NDST4: variants seen among roughly 807,000 people sequenced by gnomAD.
The protein encoded by NDST4 is N-heparan sulfate sulfotransferase 4.
In NDST4, 63 loss-of-function variants were observed where a neutral mutation model predicts 100.8. That is an observed-to-expected ratio of 0.62 (90% CI 0.51 to 0.77). NDST4 has a LOEUF of 0.77. Among genes scored for constraint, NDST4 ranks in the 30% least tolerant of loss-of-function variants. NDST4 has a pLI of 0.00. For synonymous variants in NDST4, 377 were observed against 361.8 expected (o/e 1.04, Z -0.48); for missense variants, 943 against 1,018.4 (o/e 0.93, Z 1.01).
At chr4:114,889,677 A>G (rs1724552151) in intron 6 of NDST4, among the ~76,000 whole-genome samples, 1 of 152,298 alleles carries the variant, frequency 6.6e-6, no homozygotes, top group African/African-American at 2.4e-5. Flanking sequence ...CAGAAACATT[A>G]TGGGCTGTCT....
At chr4:114,856,040 G>C (rs1361674895) in intron 7 of NDST4, among the ~76,000 whole-genome samples, 1 of 151,528 alleles carries the variant, frequency 6.6e-6, no homozygotes, top group Non-Finnish European at 1.5e-5. Flanking sequence ...AGAGAGTTGA[G>C]ATAAGCCCCT....
At chr4:114,957,346 G>C (rs1726162630) in intron 4 of NDST4, among the ~76,000 whole-genome samples, 1 of 152,190 alleles carries the variant, frequency 6.6e-6, no homozygotes, top group Admixed American at 6.5e-5. Context: ...AAGAGAGATT[G>C]TGTAGGGGAT....
intron 1 of NDST4, among the ~76,000 whole-genome samples, chr4:115,098,530 A>G (rs1377959101): frequency 6.6e-6 from 1 of 152,134 alleles, no homozygotes; most frequent in East Asian, 1.9e-4. Flanking sequence ...CCAATTCAAT[A>G]TTAAAGGAGA....
rs191848779 is a variant in NDST4, at chr4:114,961,305, C to T, written c.1221+9125G>A. ...TTCTCCGTAAAACATTGAAAAAAAG[C>T]GTATTAAATATAAAGCAATTAGAAG... is the stretch of plus-strand genomic sequence containing the variant. On this transcript the variant is annotated intron_variant, in intron 4 of 13. Coordinates refer to ENST00000264363, the MANE Select transcript of NDST4 (RefSeq NM_022569.3). Among the ~76,000 whole-genome samples, 17 of 149,660 alleles carry T rather than the reference C, an allele frequency of 1.1e-4. 1 individual carries two copies. The highest frequency in any genetic ancestry group is 4.6e-4 in the Admixed American group (7 of 15,078).
chr4:114,867,851 T>C (rs994020873), intron 7 of NDST4, among the ~76,000 whole-genome samples: 6 of 152,080 alleles, frequency 3.9e-5, no homozygotes, highest in African/African-American at 1.2e-4. Context: ...GTGTCCTCAG[T>C]ACACATTCCC....
At chr4:115,074,086 A>C (rs2126288761) in intron 2 of NDST4, among the ~76,000 whole-genome samples, 1 of 152,110 alleles carries the variant, frequency 6.6e-6, no homozygotes, top group South Asian at 2.1e-4. Context: ...AATTCTATCC[A>C]TATGAACACA....
intron 1 of NDST4, among the ~76,000 whole-genome samples, chr4:115,112,389 C>T (rs1319090145): frequency 2.0e-5 from 3 of 151,780 alleles, no homozygotes; most frequent in African/African-American, 7.2e-5. Context: ...TACAGAAACA[C>T]ATCAGTATCT....
chr4:114,984,867 G>C (rs1279936956), intron 2 of NDST4, among the ~76,000 whole-genome samples: 1 of 152,130 alleles, frequency 6.6e-6, no homozygotes, highest in Non-Finnish European at 1.5e-5. Context: ...GCTGACCCAG[G>C]ATGAAAATAT....
In NDST4 at chr4:114,963,728, A is replaced by G. The variant is rs139432410; in HGVS notation, c.1221+6702T>C. ...GGATTAGATGAGAGAAAGAAAGGTA[A>G]TAGATGAATTCAATATTTATGGCTT... On this transcript the variant is annotated intron_variant, in intron 4 of 13. Coordinates refer to ENST00000264363, the MANE Select transcript of NDST4 (RefSeq NM_022569.3). Among the ~76,000 whole-genome samples the G allele has an allele frequency of 2.1e-3, 313 of 152,336 alleles. 1 individual carries two copies. Among genetic ancestry groups the G allele is most frequent in the African/African-American group, 7.4e-3 (309 of 41,580 alleles).
chr4:114,931,353 G>C (rs757712054), intron 6 of NDST4, among the ~76,000 whole-genome samples: 1 of 151,522 alleles, frequency 6.6e-6, no homozygotes, highest in African/African-American at 2.4e-5. Flanking sequence ...TGAAGAAGTT[G>C]TGAAATAGCT....
At chr4:114,975,736 G>T in intron 3 of NDST4, among the ~76,000 whole-genome samples, 1 of 152,044 alleles carries the variant, frequency 6.6e-6, no homozygotes, top group East Asian at 1.9e-4. Context: ...AGACAAAATA[G>T]TATTGTTTGT....
rs572647919 is a variant in NDST4, at chr4:114,921,259, C to T, written c.1536+13947G>A. Among the ~76,000 whole-genome samples the T allele has an allele frequency of 5.9e-5, 9 of 152,212 alleles. No homozygotes were observed. In the East Asian group the frequency reaches 1.3e-3, roughly 23 times the overall value. On this transcript the variant is annotated intron_variant, in intron 6 of 13. Transcript: ENST00000264363. ...AAGCAAGTATTGCGTTCGATGACTC[C>T]ATTCGTTTCACTGGAATAAAAAATA...
chr4:115,063,599 G>C (rs1728869249), intron 2 of NDST4, among the ~76,000 whole-genome samples: 1 of 151,318 alleles, frequency 6.6e-6, no homozygotes, highest in Admixed American at 6.6e-5. Flanking sequence ...TATCATAATA[G>C]GAACACAGTG....
At chr4:114,981,650 A>G (rs1726776315) in intron 2 of NDST4, among the ~76,000 whole-genome samples, 2 of 152,192 alleles carry the variant, frequency 1.3e-5, no homozygotes, top group Non-Finnish European at 2.9e-5. Flanking sequence ...CAACCTGGAG[A>G]TCATCACCAT....
chr4:115,027,458 G>A (rs1267547324), intron 2 of NDST4, among the ~76,000 whole-genome samples: 1 of 152,076 alleles, frequency 6.6e-6, no homozygotes, highest in African/African-American at 2.4e-5. Flanking sequence ...TATATTTGAG[G>A]TGATAAAGAC....
At chr4:114,905,200 C>G (rs1724923650) in intron 6 of NDST4, among the ~76,000 whole-genome samples, 1 of 150,404 alleles carries the variant, frequency 6.6e-6, no homozygotes, top group African/African-American at 2.4e-5. Flanking sequence ...AGTTAATATA[C>G]TGCCCTATAA....
chr4:114,909,255 A>ATAG (rs1395590372), intron 6 of NDST4, among the ~76,000 whole-genome samples: 2 of 152,234 alleles, frequency 1.3e-5, no homozygotes, highest in African/African-American at 2.4e-5. Flanking sequence ...GACGATGATG[A>ATAG]TAGATAAAGC....
At chr4:114,935,400 T>C in intron 5 of NDST4, 66 bp from the exon 6 acceptor site, 3 of 1,396,380 alleles carry the variant, frequency 2.1e-6, no homozygotes, top group South Asian at 3.6e-5. Context: ...CTGTGTCTCA[T>C]AACTTTAGAA....
intron 10 of NDST4, among the ~76,000 whole-genome samples, chr4:114,844,330 T>G (rs2126185397): frequency 6.6e-6 from 1 of 152,314 alleles, no homozygotes. Context: ...TTTCAAAGGC[T>G]TTCAGTTGCT....
Sources: allele counts gnomAD v4.1 joint callset (sites outside exome capture counted in the v4.1 genomes callset), GRCh38; gene constraint gnomAD v4.1.1; transcripts MANE v1.5; gene names NCBI Gene and HGNC (gene_info 2026-07-23, HGNC 2026-07-21).